FAM90A1: variants seen among roughly 807,000 people sequenced by gnomAD.
The protein encoded by FAM90A1 is protein FAM90A1.
FAM90A1 carries 10 observed loss-of-function variants against 14.8 expected under a neutral mutation model. That is an observed-to-expected ratio of 0.67 (90% CI 0.42 to 1.14). FAM90A1 has a LOEUF of 1.14. Among genes scored for constraint, FAM90A1 ranks in the 50% most tolerant of loss-of-function variants. The pLI is 0.00. For synonymous variants in FAM90A1, 236 were observed against 248.4 expected, an observed-to-expected ratio of 0.95 and a Z score of 0.47; for missense variants, 567 against 602.8, an observed-to-expected ratio of 0.94 and a Z score of 0.62.
In FAM90A1 at chr12:8,222,404, T is replaced by C. The variant is rs767248893; in HGVS notation, c.813A>G (p.Pro271=). The change falls in exon 7 of 7, where the codon CCA becomes CCG. Residue 271 remains proline, a synonymous_variant. Transcript: ENST00000538603. ...KRPAVTSQPC[P]PAATHSLGLG... is the part of the protein sequence containing the mutation. The stretch of plus-strand genomic sequence containing the variant: ...GGCCCAAGCTGTGTGTGGCGGCTGG[T>C]GGGCAGGGCTGTGAGGTCACCGCAG... 4.5e-5 allele frequency: 72 copies of C among 1,611,122 alleles called. No homozygotes were observed. In the African/African-American group the frequency reaches 4.8e-4, roughly 11 times the overall value.
chr12:8,227,598 G>A lies in FAM90A1; in HGVS notation c.-539C>T, dbSNP rs1948969193. ...TCCTGGGTTGCTTCTGGAAGGGCCC[G>A]GATGGGGCCTGACTGGAGCTGCCGA... is the stretch of plus-strand genomic sequence containing the variant. On this transcript the variant is annotated 5_prime_UTR_variant, in exon 1 of 7. Coordinates refer to ENST00000538603, the MANE Select transcript of FAM90A1 (RefSeq NM_018088.3). The A allele has an allele frequency of 1.3e-6, 2 of 1,536,692 alleles. No individual in the cohort carries two copies. Among genetic ancestry groups the A allele is most frequent in the Admixed American group, 3.8e-5 (2 of 53,048 alleles).
At chr12:8,224,380 C>T (rs1363552153) in intron 4 of FAM90A1, among the ~76,000 whole-genome samples, 165 bp from the exon 5 acceptor site, 1 of 152,254 alleles carries the variant, frequency 6.6e-6, no homozygotes, top group Non-Finnish European at 1.5e-5. Context: ...ATACGATGTT[C>T]CCTCCCAAAG....
In FAM90A1 at chr12:8,224,846, G is replaced by T; in HGVS notation, c.-14C>A. 1 of 1,606,838 alleles carries T rather than the reference G, an allele frequency of 6.2e-7. No homozygotes were observed. The highest frequency in any genetic ancestry group is 1.1e-5 in the South Asian group (1 of 90,920). ...ACGTGCCATCATCTTCGTCTCCTGG[G>T]GGTTTTATGACCGCCTTTTTCAGGG... is the stretch of plus-strand genomic sequence containing the variant. On this transcript the variant is annotated 5_prime_UTR_variant, in exon 4 of 7. Coordinates refer to ENST00000538603, the MANE Select transcript of FAM90A1 (RefSeq NM_018088.3).
At chr12:8,224,642 C>T (rs1409942620) in intron 4 of FAM90A1, 68 bp downstream of exon 4, 9 of 1,160,648 alleles carry the variant, frequency 7.8e-6, no homozygotes, top group Admixed American at 6.0e-5. Context: ...CTCTGAGGAC[C>T]GTGTGACACC....
Position 8,224,054 on chromosome 12 carries a change from G to C in FAM90A1, c.285C>G (p.Pro95=), listed in dbSNP as rs1397724770. 15 of 1,611,918 alleles carry C rather than the reference G, an allele frequency of 9.3e-6. No homozygotes were observed. The Admixed American group carries it at 1.0e-4, about 11-fold the overall frequency. The change falls in exon 5 of 7, where the codon CCC becomes CCG. Residue 95 remains proline (P), a synonymous_variant. Coordinates refer to ENST00000538603, the MANE Select transcript of FAM90A1 (RefSeq NM_018088.3). The part of the protein sequence containing the change: ...WKPQVEANPG[P]LNKDKGEKEE... ...CCTTCTCTCCCTTATCCTTGTTCAA[G>C]GGCCCAGGGTTCGCTTCAACCTGGG...
chr12:8,224,763 G>T lies in FAM90A1; in HGVS notation c.70C>A (p.Arg24=), dbSNP rs111960401. The T allele has an allele frequency of 1.6e-3, 2,623 of 1,591,098 alleles. 30 individuals are homozygous for T. In the African/African-American group the frequency reaches 0.03, roughly 18 times the overall value. ...GCCCTTGGCCCAACTGGGGCCCTCC[G>T]CTGCTTCTGGAGGGTCTGGGCTCTC... ...LVRAQTLQKQ[R]RAPVGPRAPP... is the part of the protein sequence containing the mutation. The change falls in exon 4 of 7, where the codon CGG becomes AGG. Residue 24 remains arginine, a synonymous_variant. Transcript: ENST00000538603.
At chr12:8,223,714 C>T (rs1948881202) in intron 5 of FAM90A1, among the ~76,000 whole-genome samples, 157 bp from the exon 6 acceptor site, 1 of 152,200 alleles carries the variant, frequency 6.6e-6, no homozygotes, top group Non-Finnish European at 1.5e-5. Flanking sequence ...TGCCAACCTT[C>T]CCATCCTCCA....
rs1215326890 is a variant in FAM90A1, at chr12:8,222,525, C to A, written c.692G>T (p.Ser231Ile). 1 of 1,611,914 alleles carries A rather than the reference C, an allele frequency of 6.2e-7. No individual in the cohort carries two copies. The change falls in exon 7 of 7, where the codon AGC becomes ATC. Residue 231 changes from serine to isoleucine, a missense_variant. Ser to Ile is a moderately radical substitution (Grantham distance 142, BLOSUM62 -2). Transcript: ENST00000538603. ...TTCTCGACAGCCACCCGCAGGGCTG[C>A]TGTGTGTCGGCTTCACCACGAGGAG... ...EPLLVVKPTH[S>I]SPAGGCREVP... is the part of the protein sequence containing the mutation.
rs111506917 is a variant in FAM90A1 at position 8,224,150 on chromosome 12, G to A, written c.189C>T (p.Cys63=). 7 of 1,612,038 alleles carry A rather than the reference G, an allele frequency of 4.3e-6. No individual in the cohort carries two copies. Among genetic ancestry groups the A allele is most frequent in the African/African-American group, 4.0e-5 (3 of 74,980 alleles). The change falls in exon 5 of 7, where the codon TGC becomes TGT. Residue 63 remains cysteine (C), a synonymous_variant. Transcript: ENST00000538603. The part of the protein sequence containing the change: ...TARSTRCPMK[C]WKAALVPPNF... ...TCGGTGGAACCAGGGCTGCCTTCCA[G>A]CACTTCATGGGGCACCTGGTACTTC...
intron 3 of FAM90A1, 133 bp from the exon 4 acceptor site, chr12:8,225,021 G>A (rs370739499): frequency 4.6e-6 from 3 of 649,804 alleles, no homozygotes; most frequent in Non-Finnish European, 8.1e-6. Context: ...TCAAATCTGT[G>A]GAACACAATG....
At chr12:8,227,419 A>G (rs190327877) in intron 1 of FAM90A1, 61 bp downstream of exon 1, 3 of 459,778 alleles carry the variant, frequency 6.5e-6, no homozygotes, top group Non-Finnish European at 1.2e-5. Flanking sequence ...TCCCCTGCGC[A>G]CAACACAGAC....
In FAM90A1 at chr12:8,222,268, C is replaced by T. The variant is rs202072535; in HGVS notation, c.949G>A (p.Glu317Lys). The change falls in exon 7 of 7, where the codon GAA becomes AAA. Residue 317 changes from glutamate to lysine, a missense_variant. Physicochemically the swap from Glu to Lys is moderately conservative, Grantham distance 56. Transcript: ENST00000538603. Reference protein sequence around the residue: ...KPRLGPFQIPESAIQGGELGA... With the variant: ...KPRLGPFQIPKSAIQGGELGA... ...AGCTCACCTCCCTGGATGGCGCTTT[C>T]GGGGATCTGGAAGGGACCCAGTCTC... 6.9e-5 allele frequency: 111 copies of T among 1,611,124 alleles called. No homozygotes were observed. The African/African-American group carries it at 1.2e-3, about 17-fold the overall frequency.
rs754380818 is a variant in FAM90A1 at position 8,221,982 on chromosome 12, G to A, written c.1235C>T (p.Pro412Leu). ...GRWSSSLLTA[P>L]SFHSPEKPGA... ...CGGCTTCTCAGGAGAGTGAAATGAG[G>A]GGGCCGTCAGCAGGCTGGAGCTCCA... Residue 412 changes from proline (P) to leucine (L), a missense_variant, in exon 7 of 7, where the codon CCC becomes CTC. Transcript: ENST00000538603. 20 of 1,597,354 alleles carry A rather than the reference G, an allele frequency of 1.3e-5. No homozygotes were observed. Among genetic ancestry groups the A allele is most frequent in the African/African-American group, 2.7e-5 (2 of 74,844 alleles).
intron 3 of FAM90A1, 93 bp downstream of exon 3, chr12:8,225,743 C>T (rs1327207010): frequency 6.6e-6 from 1 of 152,184 alleles, no homozygotes; most frequent in Non-Finnish European, 1.5e-5. Flanking sequence ...CAGCAAGCCC[C>T]AGTGTGATCG....
At chr12:8,224,644 T>A in intron 4 of FAM90A1, 66 bp downstream of exon 4, 1 of 1,137,558 alleles carries the variant, frequency 8.8e-7, no homozygotes, top group Non-Finnish European at 1.3e-6. Context: ...CTGAGGACCG[T>A]GTGACACCCC....
rs1352983772 is a variant in FAM90A1, at chr12:8,221,827, C to G, written c.1390G>C (p.Glu464Gln). 4.4e-6 allele frequency: 7 copies of G among 1,595,064 alleles called. No individual in the cohort carries two copies. The highest frequency in any genetic ancestry group is 2.2e-5 in the South Asian group (2 of 90,952). Residue 464 changes from glutamate to glutamine, a missense_variant, in exon 7 of 7, where the codon GAG becomes CAG. Glu to Gln is a conservative substitution (Grantham distance 29). Coordinates refer to ENST00000538603, the MANE Select transcript of FAM90A1 (RefSeq NM_018088.3). Reference protein sequence around the residue: ...SSSEDSDSDLE With the variant: ...SSSEDSDSDLQ Reference sequence around the variant, plus strand: ...AGCCCCTGCCACCTGCAGTCTCACTCCAGGTCAGAATCGCTGTCCTCTGAG... The same window carrying G: ...AGCCCCTGCCACCTGCAGTCTCACTGCAGGTCAGAATCGCTGTCCTCTGAG...
chr12:8,226,338 G>C lies in FAM90A1; in HGVS notation c.-280C>G, dbSNP rs1300826319. ...CCGTGTCATCATGGAGATTCTCCTT[G>C]ACATGCAGTCACGGCCATGATCCAT... On this transcript the variant is annotated 5_prime_UTR_variant, in exon 2 of 7. The change creates a premature stop within an existing upstream ORF in the 5' untranslated region. Coordinates refer to ENST00000538603, the MANE Select transcript of FAM90A1 (RefSeq NM_018088.3). The C allele has an allele frequency of 6.6e-6, 1 of 152,224 alleles. No homozygotes were observed. Among genetic ancestry groups the C allele is most frequent in the Non-Finnish European group, 1.5e-5 (1 of 68,064 alleles). 9.4% of individuals were successfully genotyped at this position (152,224 alleles called of 1,614,324 possible).
In FAM90A1 at chr12:8,222,140, G is replaced by T; in HGVS notation, c.1077C>A (p.Gly359=). 1.9e-6 allele frequency: 3 copies of T among 1,612,058 alleles called. No homozygotes were observed. Among genetic ancestry groups the T allele is most frequent in the Non-Finnish European group, 2.5e-6 (3 of 1,179,854 alleles). ...GTRTPAQVLS[G]DRQPPHSRPC... ...GTCTGCTGTGCGGAGGCTGCCGGTCGCCGCTAAGCACCTGGGCGGGTGTCC... is the reference window on the plus strand; with the variant it reads ...GTCTGCTGTGCGGAGGCTGCCGGTCTCCGCTAAGCACCTGGGCGGGTGTCC... The change falls in exon 7 of 7, where the codon GGC becomes GGA. Residue 359 remains glycine (G), a synonymous_variant. Transcript: ENST00000538603.
Position 8,225,949 on chromosome 12 carries a change from G to A in FAM90A1, c.-170C>T, listed in dbSNP as rs1198441005. 1 of 152,254 alleles carries A rather than the reference G, an allele frequency of 6.6e-6. No homozygotes were observed. Among genetic ancestry groups the A allele is most frequent in the Non-Finnish European group, 1.5e-5 (1 of 68,062 alleles). 9.4% of individuals were successfully genotyped at this position (152,254 alleles called of 1,614,324 possible). A position where few individuals can be genotyped will look rare whatever the true frequency, so the allele number is the denominator to read the frequency against. ...GGAAGACGGAGGAAGGGGCAGAGAG[G>A]GACCTCTGCTTTCCAGGCTGCCTTT... On this transcript the variant is annotated 5_prime_UTR_variant, in exon 3 of 7. Transcript: ENST00000538603.
Sources: allele counts gnomAD v4.1 joint callset (sites outside exome capture counted in the v4.1 genomes callset), GRCh38; gene constraint gnomAD v4.1.1; transcripts MANE v1.5; gene names NCBI Gene and HGNC (gene_info 2026-07-23, HGNC 2026-07-21).